Variants in KIF26B observed in about 807,000 individuals in gnomAD.
The protein encoded by KIF26B is kinesin family member 26B.
In KIF26B, 63 loss-of-function variants were observed where a neutral mutation model predicts 151.2. The ratio of observed to expected loss-of-function variants is 0.42; its 90% confidence interval spans 0.34 to 0.51. The LOEUF (loss-of-function observed/expected upper bound fraction) is 0.51, where lower values mean the gene tolerates loss of function less well. Among genes scored for constraint, KIF26B ranks in the 20% least tolerant of loss-of-function variants. The pLI, the probability that KIF26B is intolerant of heterozygous loss-of-function variation, is 0.07. For synonymous variants in KIF26B, 1,357 were observed against 1,262.1 expected (o/e 1.08, Z -1.59); for missense variants, 2,813 against 2,913.6 (o/e 0.97, Z 0.79).
At chr1:245,460,645 A>G (rs1201627737) in intron 4 of KIF26B, among the ~76,000 whole-genome samples, 1 of 152,260 alleles carries the variant, frequency 6.6e-6, no homozygotes, top group Non-Finnish European at 1.5e-5. Context: ...AGTTGTGAGA[A>G]GAAGGTTGAT....
At chr1:245,640,139 C>CTATA (rs1296449604) in intron 9 of KIF26B, among the ~76,000 whole-genome samples, 6 of 30,102 alleles carry the variant, frequency 2.0e-4, no homozygotes, top group South Asian at 1.2e-3. Flanking sequence ...CTCTCTCTCT[C>CTATA]TCTCTATATA....
intron 3 of KIF26B, among the ~76,000 whole-genome samples, chr1:245,413,525 T>G (rs561929495): frequency 6.6e-6 from 1 of 152,172 alleles, no homozygotes; most frequent in South Asian, 2.1e-4. Flanking sequence ...TAGCTGGGCA[T>G]GGTGGCGTCC....
chr1:245,365,069 G>A (rs1249454571), intron 2 of KIF26B, among the ~76,000 whole-genome samples: 1 of 152,172 alleles, frequency 6.6e-6, no homozygotes, highest in Non-Finnish European at 1.5e-5. Context: ...CATAGTCCAC[G>A]CTTTTAACCC....
intron 10 of KIF26B, among the ~76,000 whole-genome samples, chr1:245,674,346 G>A (rs1471513569): frequency 3.3e-5 from 5 of 152,162 alleles, no homozygotes; most frequent in African/African-American, 7.2e-5. Context: ...TGTCAGAGTC[G>A]TGTTTGCATT....
Position 245,540,605 on chromosome 1 carries a change from TCTGTTATAGTAAGGGA to T in KIF26B, c.1167-158_1167-143del, listed in dbSNP as rs1661591831. 2.6e-6 allele frequency: 2 copies of T among 761,722 alleles called. No individual in the cohort carries two copies. The highest frequency in any genetic ancestry group is 5.0e-5 in the East Asian group (2 of 40,212). The allele number at this position is 761,722 out of a possible 1,614,324, so 47.2% of individuals were successfully genotyped here. A position where few individuals can be genotyped will look rare whatever the true frequency, so the allele number is the denominator to read the frequency against. On this transcript the variant is annotated intron_variant, in intron 4 of 14. Coordinates refer to ENST00000407071, the MANE Select transcript of KIF26B (RefSeq NM_018012.4). This position sits in a 1 kb window ranked among gnomAD's most constrained non-coding sequence, Gnocchi z 4.6. Reference sequence around the variant, plus strand: ...TGATTGGGTAGCTCGTTAACTTCACTCTGTTATAGTAAGGGACTGCTACAGAGGACACTGAGCAGGA... The same window carrying T: ...TGATTGGGTAGCTCGTTAACTTCACTCTGCTACAGAGGACACTGAGCAGGA...
chr1:245,537,898 G>A (rs1256380662), intron 4 of KIF26B, among the ~76,000 whole-genome samples: 5 of 152,172 alleles, frequency 3.3e-5, no homozygotes, highest in Non-Finnish European at 7.3e-5. Flanking sequence ...ATTAATCATA[G>A]GCATTAAGGA....
intron 4 of KIF26B, among the ~76,000 whole-genome samples, chr1:245,506,662 C>T (rs1456582440): frequency 6.6e-6 from 1 of 152,108 alleles, no homozygotes; most frequent in Non-Finnish European, 1.5e-5. Flanking sequence ...TAACTGCAAA[C>T]TCCCCATTTG....
At chr1:245,329,389 C>T (rs184048539) in intron 2 of KIF26B, among the ~76,000 whole-genome samples, 18 of 152,348 alleles carry the variant, frequency 1.2e-4, no homozygotes, top group Non-Finnish European at 1.0e-4. Flanking sequence ...GCAGAGTGGA[C>T]TTACATAAAC....
intron 10 of KIF26B, among the ~76,000 whole-genome samples, chr1:245,678,683 G>A (rs2044387534): frequency 6.6e-6 from 1 of 151,888 alleles, no homozygotes; most frequent in African/African-American, 2.4e-5. Flanking sequence ...CCAACATGGT[G>A]AAATCCCGTC....
At chr1:245,662,105 A>AAT (rs200659598) in intron 10 of KIF26B, among the ~76,000 whole-genome samples, 22 of 149,582 alleles carry the variant, frequency 1.5e-4, no homozygotes, top group South Asian at 6.3e-4. Context: ...ACACACACTC[A>AAT]ATATATATAT....
At chr1:245,506,337 A>G (rs780924475) in intron 4 of KIF26B, among the ~76,000 whole-genome samples, 3 of 152,124 alleles carry the variant, frequency 2.0e-5, no homozygotes, top group Non-Finnish European at 4.4e-5. Flanking sequence ...TACCCATCTT[A>G]AGTCCTCCTG....
intron 5 of KIF26B, among the ~76,000 whole-genome samples, chr1:245,555,426 C>G (rs1012670532): frequency 1.3e-5 from 2 of 152,142 alleles, no homozygotes; most frequent in African/African-American, 4.8e-5. Context: ...TCATTTCAGG[C>G]CAGCTTTCTC....
intron 2 of KIF26B, among the ~76,000 whole-genome samples, chr1:245,171,883 CATA>C (rs1668716115): frequency 6.6e-6 from 1 of 152,180 alleles, no homozygotes; most frequent in African/African-American, 2.4e-5. Context: ...TGGTGTTAAT[CATA>C]ATAACTGCTT....
chr1:245,503,799 G>T (rs1660673429), intron 4 of KIF26B, among the ~76,000 whole-genome samples: 2 of 152,212 alleles, frequency 1.3e-5, no homozygotes, highest in Admixed American at 6.5e-5. Flanking sequence ...TGCAGGTTTT[G>T]ATTCTCTTCT....
intron 10 of KIF26B, among the ~76,000 whole-genome samples, chr1:245,669,862 C>T (rs2044261921): frequency 6.6e-6 from 1 of 152,100 alleles, no homozygotes; most frequent in South Asian, 2.1e-4. Flanking sequence ...AGCTGGAGGC[C>T]ATTATGCTAA....
intron 3 of KIF26B, among the ~76,000 whole-genome samples, chr1:245,368,963 C>T (rs758125581): frequency 1.2e-4 from 18 of 151,342 alleles, no homozygotes; most frequent in Non-Finnish European, 2.2e-4. Context: ...GGCGAAAACC[C>T]GTCTCTATTA....
chr1:245,290,475 G>A (rs1671237654), intron 2 of KIF26B, among the ~76,000 whole-genome samples: 1 of 152,204 alleles, frequency 6.6e-6, no homozygotes, highest in African/African-American at 2.4e-5. Context: ...TGCTAAACAA[G>A]GGGTGGATTA....
chr1:245,662,774 C>CACACCCA lies in KIF26B; in HGVS notation c.2258+16495_2258+16496insCACCCAA, dbSNP rs1553301919. On this transcript the variant is annotated intron_variant, in intron 10 of 14. Coordinates refer to ENST00000407071, the MANE Select transcript of KIF26B (RefSeq NM_018012.4). ...TGATATATATACACACACACACACACATGCATGCCCTGGGTATAAACAGAT... is the reference window on the plus strand; with the variant it reads ...TGATATATATACACACACACACACACACACCCAATGCATGCCCTGGGTATAAACAGAT... 4.0e-4 allele frequency among the ~76,000 whole-genome samples: 27 copies of CACACCCA among 68,134 alleles called. 1 individual carries two copies. In the East Asian group the frequency reaches 5.7e-3, roughly 14 times the overall value. The allele number at this position is 68,134 out of a possible 152,430, so 44.7% of individuals were successfully genotyped here. A position where few individuals can be genotyped will look rare whatever the true frequency, so the allele number is the denominator to read the frequency against.
intron 4 of KIF26B, among the ~76,000 whole-genome samples, chr1:245,530,603 T>A (rs951143599): frequency 3.3e-5 from 5 of 152,166 alleles, no homozygotes; most frequent in African/African-American, 1.2e-4. Context: ...ACTTCACATG[T>A]TTTTATGTGT....
Sources: allele counts gnomAD v4.1 joint callset (sites outside exome capture counted in the v4.1 genomes callset), GRCh38; gene constraint gnomAD v4.1.1; non-coding constraint Gnocchi (gnomAD v3.1); transcripts MANE v1.5; gene names NCBI Gene and HGNC (gene_info 2026-07-23, HGNC 2026-07-21).